TCF20: variants seen among roughly 807,000 people sequenced by gnomAD.
TCF20 encodes transcription factor 20, also known as SPRE-binding protein.
Under a neutral mutation model 148.6 loss-of-function variants are expected in TCF20, and 3 were observed. That is an observed-to-expected ratio of 0.02 (90% CI 0.01 to 0.05). The LOEUF is 0.05. TCF20 is among the 10% of genes least tolerant of loss of function. The pLI is 1.00. For missense variants in TCF20, 2,350 were observed against 2,429.3 expected (o/e 0.97, Z 0.69); for synonymous variants, 1,049 against 909.5 (o/e 1.15, Z -2.76).
intron 1 of TCF20, among the ~76,000 whole-genome samples, chr22:42,229,992 A>G (rs1314507155): frequency 1.4e-4 from 21 of 152,134 alleles, no homozygotes; most frequent in Non-Finnish European, 7.4e-5. Flanking sequence ...CTGCTACTAG[A>G]CTTCCCTCCA....
In TCF20 at chr22:42,279,833, G is replaced by A. The variant is rs1016050016; in HGVS notation, c.-37+3994C>T. Among the ~76,000 whole-genome samples the A allele has an allele frequency of 2.0e-5, 3 of 152,212 alleles. No homozygotes were observed. Among genetic ancestry groups the A allele is most frequent in the East Asian group, 3.9e-4 (2 of 5,192 alleles). Reference sequence around the variant, plus strand: ...AGTGAATGAGCCACTGGGGGCCTCCGTGGCAATCGGGCTCACAAAGCCATG... The same window carrying A: ...AGTGAATGAGCCACTGGGGGCCTCCATGGCAATCGGGCTCACAAAGCCATG... On this transcript the variant is annotated intron_variant, in intron 1 of 5. Coordinates refer to the TCF20 transcript ENST00000359486. This position sits in a 1 kb window ranked among gnomAD's most constrained non-coding sequence, Gnocchi z 4.3.
chr22:42,280,468 C>T (rs1156279299), intron 1 of TCF20, among the ~76,000 whole-genome samples: 1 of 152,224 alleles, frequency 6.6e-6, no homozygotes, highest in African/African-American at 2.4e-5. Flanking sequence ...TTTAGCTTCA[C>T]CCAGAAACTA....
At position 42,338,660 on chromosome 22, in the gene TCF20, G is replaced by A. The variant is rs1348955541; in HGVS notation, c.-37+4819C>T. ...GCGGAGGCAGACAGCCATGTTGCCA[G>A]CTCCTGCGACGGAGGCTGCCAGGCG... is the stretch of plus-strand genomic sequence containing the variant. On this transcript the variant is annotated intron_variant, in intron 1 of 1. Coordinates refer to the TCF20 transcript ENST00000515426. This position sits in a 1 kb window ranked among gnomAD's most constrained non-coding sequence, Gnocchi z 4.0. 6.6e-6 allele frequency among the ~76,000 whole-genome samples: 1 copy of A among 152,244 alleles called. No individual in the cohort carries two copies. The highest frequency in any genetic ancestry group is 1.5e-5 in the Non-Finnish European group (1 of 68,044).
intron 1 of TCF20, among the ~76,000 whole-genome samples, chr22:42,238,806 C>T (rs1179652495): frequency 2.6e-5 from 4 of 152,116 alleles, no homozygotes; most frequent in East Asian, 3.9e-4. Flanking sequence ...TGCTTTGTGG[C>T]GCTCCAAAAC....
At chr22:42,245,647 G>A (rs900845304) in intron 1 of TCF20, among the ~76,000 whole-genome samples, 3 of 152,144 alleles carry the variant, frequency 2.0e-5, no homozygotes, top group African/African-American at 4.8e-5. Flanking sequence ...CCTCCAGCGC[G>A]ATGTCAACCT....
intron 5 of TCF20, among the ~76,000 whole-genome samples, chr22:42,161,912 C>T (rs1386264303): frequency 6.6e-6 from 1 of 151,660 alleles, no homozygotes; most frequent in Admixed American, 6.6e-5. Context: ...ATCCTCCCAC[C>T]TCAGCCTTCC....
intron 1 of TCF20, among the ~76,000 whole-genome samples, chr22:42,247,080 G>A (rs779573227): frequency 3.3e-5 from 5 of 151,950 alleles, no homozygotes; most frequent in Non-Finnish European, 7.4e-5. Flanking sequence ...ATCCAGTTAA[G>A]GGAATGTTAG....
In TCF20 at chr22:42,202,612, C is replaced by G. The variant is rs17002875; in HGVS notation, c.5655+7039G>C. Among the ~76,000 whole-genome samples, 90 of 152,342 alleles carry G rather than the reference C, an allele frequency of 5.9e-4. 1 individual carries two copies. The East Asian group carries it at 0.017, about 29-fold the overall frequency. The stretch of plus-strand genomic sequence containing the variant: ...GCTGCCTTGATTTTCTCTTCTCATA[C>G]GTTTTTCCAATAAATTGGACGAATC... On this transcript the variant is annotated intron_variant, in intron 2 of 5. Coordinates refer to ENST00000677622, the MANE Select transcript of TCF20 (RefSeq NM_001378418.1).
chr22:42,175,839 ACT>A (rs1936413592), intron 3 of TCF20, among the ~76,000 whole-genome samples: 1 of 151,168 alleles, frequency 6.6e-6, no homozygotes, highest in East Asian at 2.0e-4. Context: ...ATAGGGTCTC[ACT>A]CTGTTGCCCA....
At chr22:42,187,828 T>C (rs1937119709) in intron 2 of TCF20, among the ~76,000 whole-genome samples, 1 of 152,210 alleles carries the variant, frequency 6.6e-6, no homozygotes, top group African/African-American at 2.4e-5. Context: ...CTTGAGCAGA[T>C]AAAGAACATA....
At chr22:42,268,572 T>C (rs2146997049) in intron 1 of TCF20, among the ~76,000 whole-genome samples, 1 of 152,354 alleles carries the variant, frequency 6.6e-6, no homozygotes, top group South Asian at 2.1e-4. Context: ...CAAATGTCCT[T>C]TGAAGAACTT....
intron 1 of TCF20, among the ~76,000 whole-genome samples, chr22:42,326,023 C>T (rs1433721396): frequency 6.6e-6 from 1 of 152,086 alleles, no homozygotes; most frequent in African/African-American, 2.4e-5. Flanking sequence ...CACCTAAGGC[C>T]CCCTTTCAAG....
chr22:42,230,777 G>A (rs1923328437), intron 1 of TCF20, among the ~76,000 whole-genome samples: 1 of 152,170 alleles, frequency 6.6e-6, no homozygotes, highest in Non-Finnish European at 1.5e-5. Context: ...TGATTATTCT[G>A]ACCCTGTGTA....
Position 42,212,408 on chromosome 22 carries a change from G to A in TCF20, c.2898C>T (p.Ser966=). Residue 966 remains serine, a synonymous_variant, in exon 2 of 6, where the codon AGC becomes AGT. Coordinates refer to ENST00000677622, the MANE Select transcript of TCF20 (RefSeq NM_001378418.1). The part of the protein sequence containing the change: ...IKHESYRGNA[S]PGAATHDSLS... ...GGGAATCATGGGTTGCTGCTCCAGG[G>A]CTGGCATTGCCGCGGTAAGACTCAT... 1 of 1,614,238 alleles carries A rather than the reference G, an allele frequency of 6.2e-7. No individual in the cohort carries two copies. The highest frequency in any genetic ancestry group is 1.1e-5 in the South Asian group (1 of 91,090).
chr22:42,240,345 C>G (rs1291323008), intron 1 of TCF20, among the ~76,000 whole-genome samples: 2 of 152,166 alleles, frequency 1.3e-5, no homozygotes, highest in African/African-American at 4.8e-5. Flanking sequence ...GGCATCTTAA[C>G]AGTGTCACAC....
intron 1 of TCF20, among the ~76,000 whole-genome samples, chr22:42,328,348 G>T (rs1927910676): frequency 6.6e-6 from 1 of 152,146 alleles, no homozygotes; most frequent in Admixed American, 6.5e-5. Flanking sequence ...AGACGGGATG[G>T]GCGCCCTCAG....
rs918874318 is a variant in TCF20 at position 42,167,199 on chromosome 22, G to A, written c.*44+1410C>T. On this transcript the variant is annotated intron_variant, in intron 5 of 5. Transcript: ENST00000677622. ...CCCTTCACTGCCAGCCCTACTCCCC[G>A]GAAGAGGAAAGAGAAAGGCACCACA... Among the ~76,000 whole-genome samples, 10 of 152,160 alleles carry A rather than the reference G, an allele frequency of 6.6e-5. No individual in the cohort carries two copies. The South Asian group carries it at 1.2e-3, about 19-fold the overall frequency.
Position 42,213,889 on chromosome 22 carries a change from T to C in TCF20, c.1417A>G (p.Met473Val), listed in dbSNP as rs749632807. 13 of 1,614,176 alleles carry C rather than the reference T, an allele frequency of 8.1e-6. No individual in the cohort carries two copies. Among genetic ancestry groups the C allele is most frequent in the East Asian group, 2.2e-5 (1 of 44,884 alleles). The change falls in exon 2 of 6, where the codon ATG becomes GTG. Residue 473 changes from methionine (M) to valine (V), a missense_variant. By Grantham distance (21) the Met-to-Val change is conservative. Transcript: ENST00000677622. Reference protein sequence around the residue: ...VANLPNTVQHMLLSDALTPQK... With the variant: ...VANLPNTVQHVLLSDALTPQK... ...GGAGTCAGGGCATCAGAAAGTAACA[T>C]GTGCTGGACAGTGTTAGGAAGATTG...
chr22:42,266,217 T>G (rs1926279645), intron 1 of TCF20, among the ~76,000 whole-genome samples: 1 of 152,178 alleles, frequency 6.6e-6, no homozygotes, highest in African/African-American at 2.4e-5. Flanking sequence ...AGGAGGGTTA[T>G]ATCTAAGCCT....
Sources: allele counts gnomAD v4.1 joint callset (sites outside exome capture counted in the v4.1 genomes callset), GRCh38; gene constraint gnomAD v4.1.1; non-coding constraint Gnocchi (gnomAD v3.1); transcripts MANE v1.5; gene names NCBI Gene and HGNC (gene_info 2026-07-23, HGNC 2026-07-21).